Variants in BCKDHB observed in about 807,000 individuals in gnomAD.
The protein encoded by BCKDHB is branched chain keto acid dehydrogenase E1 subunit beta.
A neutral mutation model predicts 48.5 loss-of-function variants in BCKDHB; 41 were observed. That is an observed-to-expected ratio of 0.85 (90% CI 0.66 to 1.10). The LOEUF (loss-of-function observed/expected upper bound fraction) is 1.10, where lower values mean the gene tolerates loss of function less well. Ranked by LOEUF, BCKDHB falls within the 50% of genes least tolerant of loss-of-function variation. BCKDHB has a pLI of 0.00. For missense variants in BCKDHB, 496 were observed against 494.2 expected (o/e 1.00, Z -0.03); for synonymous variants, 201 against 174.8 (o/e 1.15, Z -1.18).
intron 9 of BCKDHB, among the ~76,000 whole-genome samples, chr6:80,341,404 G>A (rs77941972): frequency 9.9e-5 from 15 of 152,168 alleles, no homozygotes; most frequent in African/African-American, 2.6e-4. Context: ...AAAGCACAAC[G>A]TGGAGTCTTC....
chr6:80,258,882 A>T (rs943252635), intron 8 of BCKDHB, among the ~76,000 whole-genome samples: 1 of 151,734 alleles, frequency 6.6e-6, no homozygotes, highest in African/African-American at 2.4e-5. Flanking sequence ...TTTCTTCCAG[A>T]CTCCCCCCCA....
chr6:80,198,800 C>T (rs575857387), intron 6 of BCKDHB, among the ~76,000 whole-genome samples: 2 of 152,074 alleles, frequency 1.3e-5, no homozygotes, highest in Non-Finnish European at 2.9e-5. Flanking sequence ...TCTTAGTTTT[C>T]AAGCAAATGA....
At chr6:80,454,658 G>A in the BCKDHB span, among the ~76,000 whole-genome samples, 1 of 152,170 alleles carries the variant, frequency 6.6e-6, no homozygotes, top group Non-Finnish European at 1.5e-5. Flanking sequence ...CAAGGCATTG[G>A]ATGCTATAAC....
chr6:80,410,583 A>G, the BCKDHB span, among the ~76,000 whole-genome samples: 1 of 152,198 alleles, frequency 6.6e-6, no homozygotes. Flanking sequence ...AGGTACACCA[A>G]TCAAATGTAG....
the BCKDHB span, among the ~76,000 whole-genome samples, chr6:80,409,745 C>A: frequency 6.6e-6 from 1 of 150,654 alleles, no homozygotes; most frequent in African/African-American, 2.4e-5. Context: ...AGGATTGCAA[C>A]CCCTGCTGCT....
intron 8 of BCKDHB, among the ~76,000 whole-genome samples, chr6:80,250,587 G>A (rs1430296274): frequency 6.6e-6 from 1 of 152,128 alleles, no homozygotes; most frequent in East Asian, 1.9e-4. Context: ...GGCCTCCTCT[G>A]TGTACTTCTG....
chr6:80,282,842 T>A (rs1354376087), intron 9 of BCKDHB, among the ~76,000 whole-genome samples: 1 of 152,168 alleles, frequency 6.6e-6, no homozygotes, highest in Non-Finnish European at 1.5e-5. Flanking sequence ...TATATGTAGA[T>A]GTTTCTCTCA....
chr6:80,322,891 T>C (rs1049845657), intron 9 of BCKDHB, among the ~76,000 whole-genome samples: 1 of 126,292 alleles, frequency 7.9e-6, no homozygotes, highest in Non-Finnish European at 1.6e-5. Context: ...TTTTTTTTCT[T>C]TTTTCTTTTT....
At chr6:80,359,492 G>A in the BCKDHB span, among the ~76,000 whole-genome samples, 26,531 of 152,180 alleles carry the variant, frequency 0.17, 3,345 homozygotes, top group African/African-American at 0.34. Context: ...TTTGTCACTA[G>A]GGTTTATCCT....
intron 8 of BCKDHB, among the ~76,000 whole-genome samples, chr6:80,269,412 C>T (rs1777642518): frequency 6.6e-6 from 1 of 152,092 alleles, no homozygotes; most frequent in South Asian, 2.1e-4. Flanking sequence ...TTTGACAAAT[C>T]TTTTAGAACA....
the BCKDHB span, among the ~76,000 whole-genome samples, chr6:80,411,981 C>T: frequency 6.6e-6 from 1 of 152,202 alleles, no homozygotes; most frequent in African/African-American, 2.4e-5. Context: ...CCAGCCAGTC[C>T]CAGTGAGATG....
At chr6:80,256,878 A>G (rs1361757589) in intron 8 of BCKDHB, among the ~76,000 whole-genome samples, 2 of 152,206 alleles carry the variant, frequency 1.3e-5, no homozygotes, top group Non-Finnish European at 2.9e-5. Flanking sequence ...ATATGGTTCA[A>G]AACAGAGACT....
At chr6:80,373,530 G>A in the BCKDHB span, among the ~76,000 whole-genome samples, 1 of 151,986 alleles carries the variant, frequency 6.6e-6, no homozygotes, top group African/African-American at 2.4e-5. Context: ...AGTTCCTTGA[G>A]GTATGAGCTT....
At chr6:80,385,809 T>C in the BCKDHB span, among the ~76,000 whole-genome samples, 1 of 152,192 alleles carries the variant, frequency 6.6e-6, no homozygotes, top group African/African-American at 2.4e-5. Context: ...AACAGGAATC[T>C]GGACAACAGG....
At chr6:80,174,293 T>C (rs896801465) in intron 6 of BCKDHB, among the ~76,000 whole-genome samples, 4 of 152,180 alleles carry the variant, frequency 2.6e-5, no homozygotes, top group South Asian at 2.1e-4. Flanking sequence ...GGCTGACATT[T>C]ATATAAAAAT....
intron 3 of BCKDHB, among the ~76,000 whole-genome samples, chr6:80,153,473 C>T (rs1253144131): frequency 1.3e-5 from 2 of 152,062 alleles, no homozygotes; most frequent in Non-Finnish European, 1.5e-5. Flanking sequence ...GAGCACAGTA[C>T]ATGCCTAGTG....
intron 9 of BCKDHB, among the ~76,000 whole-genome samples, chr6:80,327,452 G>A (rs1171426558): frequency 6.6e-6 from 1 of 152,108 alleles, no homozygotes; most frequent in Admixed American, 6.6e-5. Flanking sequence ...GACTGTATTA[G>A]TTCATTCTCA....
intron 9 of BCKDHB, among the ~76,000 whole-genome samples, chr6:80,337,467 T>C (rs1417327907): frequency 6.6e-6 from 1 of 152,106 alleles, no homozygotes; most frequent in African/African-American, 2.4e-5. Flanking sequence ...GACTAAATGG[T>C]GTTCCAATTT....
intron 8 of BCKDHB, among the ~76,000 whole-genome samples, chr6:80,222,957 A>G (rs575338256): frequency 1.3e-5 from 2 of 152,228 alleles, no homozygotes; most frequent in African/African-American, 4.8e-5. Flanking sequence ...ATTGGAAGCA[A>G]CACATTAGAA....
Sources: gnomAD v4.1 joint callset for allele counts (sites outside exome capture counted in the v4.1 genomes callset) on GRCh38, gnomAD v4.1.1 for gene constraint, MANE v1.5 for transcripts, NCBI Gene and HGNC (gene_info 2026-07-23, HGNC 2026-07-21) for gene names.